DOCK3: variants seen among roughly 807,000 people sequenced by gnomAD.
DOCK3 encodes dedicator of cytokinesis protein 3.
Under a neutral mutation model 265.6 loss-of-function variants are expected in DOCK3, and 60 were observed. That is an observed-to-expected ratio of 0.23 (90% CI 0.18 to 0.28). The LOEUF is 0.28. Among genes scored for constraint, DOCK3 ranks in the 10% least tolerant of loss-of-function variants. The pLI is 1.00. For missense variants in DOCK3, 1,981 were observed against 2,594.3 expected (o/e 0.76, Z 5.14); for synonymous variants, 881 against 938.0 (o/e 0.94, Z 1.11).
At chr3:51,308,988 G>A (rs1302369899) in intron 27 of DOCK3, among the ~76,000 whole-genome samples, 2 of 152,094 alleles carry the variant, frequency 1.3e-5, no homozygotes, top group Non-Finnish European at 2.9e-5. Context: ...CCCAGACGGG[G>A]CGGCGGGGCA....
chr3:50,947,598 C>G (rs186004002), intron 5 of DOCK3, among the ~76,000 whole-genome samples: 15 of 152,214 alleles, frequency 9.9e-5, no homozygotes, highest in Admixed American at 9.8e-4. Context: ...CTGAACTACT[C>G]CCACTTTCCA....
At chr3:51,139,568 T>C (rs997704909) in intron 9 of DOCK3, among the ~76,000 whole-genome samples, 1 of 152,172 alleles carries the variant, frequency 6.6e-6, no homozygotes, top group Non-Finnish European at 1.5e-5. Context: ...GCACCTATTA[T>C]AGGGTTGGGC....
At chr3:51,122,438 CTT>C (rs2084068898) in intron 9 of DOCK3, among the ~76,000 whole-genome samples, 1 of 152,234 alleles carries the variant, frequency 6.6e-6, no homozygotes, top group Non-Finnish European at 1.5e-5. Flanking sequence ...CGGAGCAAGA[CTT>C]TGTCTCAAAA....
At chr3:50,819,822 C>T (rs1427642260) in intron 2 of DOCK3, among the ~76,000 whole-genome samples, 4 of 152,090 alleles carry the variant, frequency 2.6e-5, no homozygotes, top group Non-Finnish European at 5.9e-5. Context: ...CTTAGCCAGG[C>T]GTGGTGGTGC....
chr3:51,317,504 C>T (rs907023768), intron 32 of DOCK3, among the ~76,000 whole-genome samples: 4 of 150,288 alleles, frequency 2.7e-5, no homozygotes, highest in South Asian at 4.2e-4. Context: ...CACTTGAACC[C>T]GGGAGGTGGA....
At chr3:51,228,611 TGCA>T (rs1407815700) in intron 17 of DOCK3, 47 bp from the exon 18 acceptor site, 2 of 1,562,502 alleles carry the variant, frequency 1.3e-6, no homozygotes, top group Non-Finnish European at 1.7e-6. Context: ...ACCTGGTTTT[TGCA>T]TGTTGCATGG....
At chr3:51,034,172 C>A (rs1296762865) in intron 5 of DOCK3, among the ~76,000 whole-genome samples, 1 of 151,896 alleles carries the variant, frequency 6.6e-6, no homozygotes, top group African/African-American at 2.4e-5. Flanking sequence ...TTTTTGAGTT[C>A]GTATTGAAAG....
chr3:50,927,425 A>G (rs1027404314), intron 4 of DOCK3, among the ~76,000 whole-genome samples: 1 of 152,206 alleles, frequency 6.6e-6, no homozygotes, highest in Admixed American at 6.5e-5. Context: ...AAGATTTAGA[A>G]TGTTCTCAAT....
intron 2 of DOCK3, among the ~76,000 whole-genome samples, chr3:50,832,376 C>T (rs1353041983): frequency 2.0e-5 from 3 of 152,154 alleles, no homozygotes; most frequent in Non-Finnish European, 4.4e-5. Context: ...TCTAATTAAA[C>T]TAAAGAGCTT....
At chr3:50,807,474 A>C (rs1472854096) in intron 2 of DOCK3, among the ~76,000 whole-genome samples, 1 of 152,022 alleles carries the variant, frequency 6.6e-6, no homozygotes, top group African/African-American at 2.4e-5. Context: ...GACACCTCCC[A>C]TTGTGGCCCA....
intron 5 of DOCK3, among the ~76,000 whole-genome samples, chr3:50,983,151 GC>G (rs1372649258): frequency 6.6e-6 from 1 of 152,114 alleles, no homozygotes; most frequent in Non-Finnish European, 1.5e-5. Context: ...GACTTTGGGT[GC>G]CCCCTCTGGA....
chr3:50,901,002 T>C (rs553747761), intron 4 of DOCK3: 75 of 386,478 alleles, frequency 1.9e-4, no homozygotes, highest in African/African-American at 1.5e-3. Context: ...GCTTGAGCAA[T>C]GTGCTGGGAG....
intron 5 of DOCK3, among the ~76,000 whole-genome samples, chr3:51,022,344 A>T (rs1281187464): frequency 6.6e-6 from 1 of 152,182 alleles, no homozygotes; most frequent in Non-Finnish European, 1.5e-5. Context: ...CAGCACTTCT[A>T]CTGTAATGTG....
chr3:51,215,150 C>T (rs1302333750), intron 14 of DOCK3, among the ~76,000 whole-genome samples: 1 of 152,120 alleles, frequency 6.6e-6, no homozygotes, highest in Non-Finnish European at 1.5e-5. Flanking sequence ...CTCTGTTGCC[C>T]ACGCTGGAGT....
At chr3:50,996,987 C>T (rs994890011) in intron 5 of DOCK3, among the ~76,000 whole-genome samples, 4 of 152,114 alleles carry the variant, frequency 2.6e-5, no homozygotes, top group African/African-American at 7.2e-5. Flanking sequence ...GCTCTTCATC[C>T]GAGAGGCTTT....
At chr3:51,232,588 T>A (rs1310057092) in intron 19 of DOCK3, among the ~76,000 whole-genome samples, 1 of 152,236 alleles carries the variant, frequency 6.6e-6, no homozygotes, top group Admixed American at 6.5e-5. Context: ...TAAGGTGGTA[T>A]CTCATTGTGG....
chr3:51,341,304 C>T lies in DOCK3; in HGVS notation c.3834C>T (p.Phe1278=), dbSNP rs1045080246. 6.2e-7 allele frequency: 1 copy of T among 1,612,752 alleles called. No individual in the cohort carries two copies. Among genetic ancestry groups the T allele is most frequent in the African/African-American group, 1.3e-5 (1 of 74,936 alleles). The change falls in exon 38 of 53, where the codon TTC becomes TTT. Residue 1278 remains phenylalanine, a synonymous_variant. Coordinates refer to ENST00000266037, the MANE Select transcript of DOCK3 (RefSeq NM_004947.5). The part of the protein sequence containing the change: ...LQWEDRPLRE[F]LHYPSQTEWQ... ...GGGAGGACCGGCCACTACGGGAATT[C>T]CTCCACTACCCATCGCAGACAGAGT...
chr3:51,067,264 A>G (rs1362345078), intron 6 of DOCK3, among the ~76,000 whole-genome samples: 1 of 152,188 alleles, frequency 6.6e-6, no homozygotes, highest in Non-Finnish European at 1.5e-5. Flanking sequence ...ATGAAACTTG[A>G]AAAACAAACC....
At chr3:50,720,022 A>G (rs1421453297) in intron 1 of DOCK3, 3 of 252,720 alleles carry the variant, frequency 1.2e-5, no homozygotes, top group African/African-American at 6.8e-5. Flanking sequence ...CTTCAAGTTC[A>G]CTAATTCTGT....
Sources: allele counts gnomAD v4.1 joint callset (sites outside exome capture counted in the v4.1 genomes callset), GRCh38; gene constraint gnomAD v4.1.1; transcripts MANE v1.5; gene names NCBI Gene and HGNC (gene_info 2026-07-23, HGNC 2026-07-21).